The following ALK variants were observed in gnomAD, a reference collection of about 807,000 sequenced individuals.
ALK encodes the protein ALK tyrosine kinase receptor.
Under a neutral mutation model 163.1 loss-of-function variants are expected in ALK, and 74 were observed. The ratio of observed to expected loss-of-function variants is 0.45; its 90% confidence interval spans 0.38 to 0.55. The LOEUF (loss-of-function observed/expected upper bound fraction) is 0.55, where lower values mean the gene tolerates loss of function less well. Among genes scored for constraint, ALK ranks in the 20% least tolerant of loss-of-function variants. The pLI, the probability that ALK is intolerant of heterozygous loss-of-function variation, is 0.00. For missense variants in ALK, 2,063 were observed against 2,105.3 expected (o/e 0.98, Z 0.39); for synonymous variants, 960 against 843.2 (o/e 1.14, Z -2.40).
At chr2:29,571,421 T>C (rs1271013613) in intron 3 of ALK, among the ~76,000 whole-genome samples, 1 of 151,984 alleles carries the variant, frequency 6.6e-6, no homozygotes, top group African/African-American at 2.4e-5. Context: ...TGATAGTGAG[T>C]TCTCACAAGA....
chr2:29,675,516 C>T (rs1336052167), intron 3 of ALK, among the ~76,000 whole-genome samples: 2 of 151,962 alleles, frequency 1.3e-5, no homozygotes, highest in East Asian at 1.9e-4. Flanking sequence ...GGACAGAGAC[C>T]AGGGGGAGGT....
chr2:29,886,130 T>C (rs1201571977), intron 1 of ALK, among the ~76,000 whole-genome samples: 2 of 152,228 alleles, frequency 1.3e-5, no homozygotes. Context: ...TTTTCTCTTT[T>C]TTATAGTTGT....
At position 29,233,648 on chromosome 2, in the gene ALK, C is replaced by T; in HGVS notation, c.2404G>A (p.Glu802Lys). 6.2e-7 allele frequency: 1 copy of T among 1,614,256 alleles called. No homozygotes were observed. Among genetic ancestry groups the T allele is most frequent in the Non-Finnish European group, 8.5e-7 (1 of 1,180,048 alleles). ...KVCIGENNVI[E>K]EEIRVNRSVH... ...CTTCTGTTCACACGGATTTCTTCTT[C>T]TATCACATTGTTCTCTCCAATGCAG... is the stretch of plus-strand genomic sequence containing the variant. Residue 802 changes from glutamate to lysine, a missense_variant, in exon 14 of 29, where the codon GAA becomes AAA. Transcript: ENST00000389048.
At chr2:29,221,771 A>G (rs1669810665) in intron 22 of ALK, among the ~76,000 whole-genome samples, 1 of 152,100 alleles carries the variant, frequency 6.6e-6, no homozygotes, top group Non-Finnish European at 1.5e-5. Context: ...GGGGGCCATG[A>G]GCCCCCACCT....
At chr2:29,600,941 C>T (rs1675365182) in intron 3 of ALK, among the ~76,000 whole-genome samples, 1 of 152,198 alleles carries the variant, frequency 6.6e-6, no homozygotes, top group Admixed American at 6.5e-5. Flanking sequence ...CTCAGAGGGA[C>T]ACCCACCTAG....
At chr2:29,862,640 A>C (rs1386310459) in intron 1 of ALK, among the ~76,000 whole-genome samples, 7 of 152,178 alleles carry the variant, frequency 4.6e-5, no homozygotes, top group African/African-American at 1.7e-4. Context: ...ATAAATTTTA[A>C]AATATCCTGT....
chr2:29,779,460 T>A (rs7606108), intron 1 of ALK, among the ~76,000 whole-genome samples: 1 of 152,046 alleles, frequency 6.6e-6, no homozygotes, highest in African/African-American at 2.4e-5. Context: ...TTTAGAAAAG[T>A]AGCTTCATTT....
chr2:29,227,185 T>G lies in ALK; in HGVS notation c.2915-111A>C. On this transcript the variant is annotated intron_variant, in intron 17 of 28. Coordinates refer to ENST00000389048, the MANE Select transcript of ALK (RefSeq NM_004304.5). The surrounding 1 kb of genome is among the most constrained non-coding windows in gnomAD (Gnocchi z 4.4). ...TGGGTGCTCTGGTGGTCCCTGTTCC[T>G]AGGTCCCATAGCCACTGGAAGCACA... 1 of 1,371,776 alleles carries G rather than the reference T, an allele frequency of 7.3e-7. No individual in the cohort carries two copies. The highest frequency in any genetic ancestry group is 1.2e-5 in the South Asian group (1 of 85,448). The allele number at this position is 1,371,776 out of a possible 1,614,324, so 85.0% of individuals were successfully genotyped here.
intron 27 of ALK, 61 bp downstream of exon 27, chr2:29,197,481 A>T (rs2148142997): frequency 6.2e-7 from 1 of 1,606,878 alleles, no homozygotes; most frequent in Middle Eastern, 2.2e-4. Context: ...GTGGCTCTGG[A>T]TATTTTTTGA....
intron 1 of ALK, among the ~76,000 whole-genome samples, chr2:29,884,133 T>C (rs1455940707): frequency 1.3e-5 from 2 of 150,026 alleles, no homozygotes; most frequent in Admixed American, 6.7e-5. Flanking sequence ...CCTGTTACTA[T>C]TGCAAGAGGT....
chr2:29,586,405 T>G (rs1056251995), intron 3 of ALK, among the ~76,000 whole-genome samples: 4 of 152,230 alleles, frequency 2.6e-5, no homozygotes, highest in Non-Finnish European at 5.9e-5. Context: ...AATTTAATTC[T>G]TATCTACATT....
intron 1 of ALK, among the ~76,000 whole-genome samples, chr2:29,877,291 G>A (rs1666748011): frequency 6.6e-6 from 1 of 152,138 alleles, no homozygotes; most frequent in African/African-American, 2.4e-5. Context: ...ATATCCTCAT[G>A]GCTCTGTCTC....
intron 1 of ALK, among the ~76,000 whole-genome samples, chr2:29,851,071 A>AAC (rs1423054110): frequency 6.6e-6 from 1 of 152,176 alleles, no homozygotes. Flanking sequence ...ATTTGTGTTT[A>AAC]ATATATATAT....
At chr2:29,881,626 G>A (rs1666872216) in intron 1 of ALK, among the ~76,000 whole-genome samples, 1 of 152,104 alleles carries the variant, frequency 6.6e-6, no homozygotes, top group South Asian at 2.1e-4. Context: ...ACAAAGTAAT[G>A]AGGTAGAACT....
At chr2:29,879,332 A>G (rs1269963551) in intron 1 of ALK, among the ~76,000 whole-genome samples, 2 of 152,250 alleles carry the variant, frequency 1.3e-5, no homozygotes, top group African/African-American at 4.8e-5. Flanking sequence ...TGATCAGGTA[A>G]GCAGTGTGCA....
chr2:29,632,445 ATTAAAG>A, intron 3 of ALK, among the ~76,000 whole-genome samples: 1 of 152,324 alleles, frequency 6.6e-6, no homozygotes, highest in East Asian at 1.9e-4. Flanking sequence ...ATAAGATTAA[ATTAAAG>A]TTATAGTAAA....
At chr2:29,563,777 A>G (rs1192361739) in intron 3 of ALK, among the ~76,000 whole-genome samples, 1 of 152,218 alleles carries the variant, frequency 6.6e-6, no homozygotes, top group Non-Finnish European at 1.5e-5. Context: ...TAACTCTAAG[A>G]CAAGGATGAG....
intron 3 of ALK, among the ~76,000 whole-genome samples, chr2:29,638,197 G>T (rs749526716): frequency 9.9e-5 from 15 of 152,224 alleles, no homozygotes; most frequent in Non-Finnish European, 2.1e-4. Context: ...ACCAGCACCT[G>T]CTAACTGCAT....
chr2:29,790,145 T>C (rs961919759), intron 1 of ALK, among the ~76,000 whole-genome samples: 6 of 152,178 alleles, frequency 3.9e-5, no homozygotes, highest in African/African-American at 1.4e-4. Flanking sequence ...ATCTCTAATG[T>C]ATGCAGCTAA....
Sources: allele counts gnomAD v4.1 joint callset (sites outside exome capture counted in the v4.1 genomes callset), GRCh38; gene constraint gnomAD v4.1.1; non-coding constraint Gnocchi (gnomAD v3.1); transcripts MANE v1.5; gene names NCBI Gene and HGNC (gene_info 2026-07-23, HGNC 2026-07-21).